The following ATG2A variants were observed in gnomAD, a reference collection of about 807,000 sequenced individuals.
The protein encoded by ATG2A is autophagy related 2A.
A neutral mutation model predicts 214.2 loss-of-function variants in ATG2A; 103 were observed. The ratio of observed to expected loss-of-function variants is 0.48; its 90% CI spans 0.41 to 0.57. ATG2A has a LOEUF of 0.57. Ranked by LOEUF, ATG2A falls within the 20% of genes least tolerant of loss-of-function variation. The pLI is 0.00. For synonymous variants in ATG2A, 1,160 were observed against 1,142.1 expected, an observed-to-expected ratio of 1.02 and a Z score of -0.32; for missense variants, 2,312 against 2,613.2, an observed-to-expected ratio of 0.88 and a Z score of 2.51.
intron 37 of ATG2A, chr11:64,897,091 G>A: frequency 1.4e-6 from 1 of 700,102 alleles, no homozygotes; most frequent in Non-Finnish European, 2.3e-6. Flanking sequence ...TGCGATCTTG[G>A]CTCACTGCAA....
Position 64,900,445 on chromosome 11 carries a change from C to T in ATG2A, c.4464+49G>A, listed in dbSNP as rs372618242. 14 of 1,611,016 alleles carry T rather than the reference C, an allele frequency of 8.7e-6. 1 individual carries two copies. The highest frequency in any genetic ancestry group is 3.3e-5 in the South Asian group (3 of 91,058). On this transcript the variant is annotated intron_variant, in intron 31 of 40. Transcript: ENST00000377264. ...TACACGTGACATCGAGAACAAGGCC[C>T]GTTGTTCTATGACACACACGTGTAG...
rs1944229070 is a variant in ATG2A, at chr11:64,898,327, G to T, written c.4707C>A (p.Thr1569=). Residue 1569 remains threonine, a synonymous_variant, in exon 33 of 41, where the codon ACC becomes ACA. Transcript: ENST00000377264. This position sits in a 1 kb window ranked among gnomAD's most constrained non-coding sequence, Gnocchi z 4.5. ...GACAGCACTCAGGCCCACCCAGGTT[G>T]GTAGTGGGGGCCACATGCAGCGCTT... ...TIKALHVAPT[T]NLGGPECCLR... 1 of 1,610,018 alleles carries T rather than the reference G, an allele frequency of 6.2e-7. No homozygotes were observed. Among genetic ancestry groups the T allele is most frequent in the Admixed American group, 1.7e-5 (1 of 58,900 alleles).
intron 1 of ATG2A, among the ~76,000 whole-genome samples, chr11:64,914,958 G>T (rs1944921804): frequency 6.6e-6 from 1 of 151,690 alleles, no homozygotes; most frequent in South Asian, 2.1e-4. Flanking sequence ...CAGAGGAGGG[G>T]CAAGCTGAAG....
intron 24 of ATG2A, among the ~76,000 whole-genome samples, chr11:64,904,933 G>A (rs942647853): frequency 5.9e-5 from 9 of 152,096 alleles, no homozygotes; most frequent in Admixed American, 4.6e-4. Context: ...TTCGCTCACC[G>A]TAACCTCCGC....
In ATG2A at chr11:64,895,362, C is replaced by T; in HGVS notation, c.5508G>A (p.Arg1836=). The T allele has an allele frequency of 6.2e-7, 1 of 1,612,952 alleles. No individual in the cohort carries two copies. The highest frequency in any genetic ancestry group is 8.5e-7 in the Non-Finnish European group (1 of 1,179,712). The change falls in exon 40 of 41, where the codon CGG becomes CGA. Residue 1836 remains arginine (R), a synonymous_variant. Transcript: ENST00000377264. The surrounding 1 kb of genome is among the most constrained non-coding windows in gnomAD (Gnocchi z 5.0). ...SRSLQDKRSA[R]RLRRGQQPAD... is the part of the protein sequence containing the mutation. ...CAGGCTGCTGGCCCCTGCGCAGCCT[C>T]CGCGCAGAGCGCTTATCCTGCAGGG...
chr11:64,895,247 G>C lies in ATG2A; in HGVS notation c.5581-38C>G, dbSNP rs746753700. ...GAGGTCAGGGCGGGGTCTGTGTGAG[G>C]AGATGGGCATGGGGGACTGGGGCAG... On this transcript the variant is annotated intron_variant, in intron 40 of 40. Coordinates refer to ENST00000377264, the MANE Select transcript of ATG2A (RefSeq NM_015104.3). This position sits in a 1 kb window ranked among gnomAD's most constrained non-coding sequence, Gnocchi z 5.0. The C allele has an allele frequency of 3.6e-5, 58 of 1,613,044 alleles. No homozygotes were observed. The highest frequency in any genetic ancestry group is 8.5e-7 in the Non-Finnish European group (1 of 1,179,842).
At position 64,902,114 on chromosome 11, in the gene ATG2A, C is replaced by A. The variant is rs762677119; in HGVS notation, c.3967G>T (p.Ala1323Ser). ...CCGACAGGTGGTGAAGGGGGTGGGG[C>A]CCCACTCCGTTCACCTGGGAATAGG... is the stretch of plus-strand genomic sequence containing the variant. ...VYLFPGERSGAPPPSPPVGGP... is the reference protein window; with the variant it reads ...VYLFPGERSGSPPPSPPVGGP... Residue 1323 changes from alanine (A) to serine (S), a missense_variant, in exon 29 of 41, where the codon GCC (alanine) becomes TCC (serine). Physicochemically the swap from Ala to Ser is moderately conservative, Grantham distance 99 (BLOSUM62 1). Transcript: ENST00000377264. The A allele has an allele frequency of 1.9e-5, 31 of 1,613,556 alleles. No individual in the cohort carries two copies. Among genetic ancestry groups the A allele is most frequent in the Non-Finnish European group, 2.5e-5 (29 of 1,179,958 alleles).
At position 64,911,869 on chromosome 11, in the gene ATG2A, G is replaced by A. The variant is rs755588164; in HGVS notation, c.1201C>T (p.Arg401Trp). Residue 401 changes from arginine to tryptophan, a missense_variant, in exon 9 of 41, where the codon CGG (arginine) becomes TGG (tryptophan). By Grantham distance (101) the Arg-to-Trp change is moderately radical. Coordinates refer to ENST00000377264, the MANE Select transcript of ATG2A (RefSeq NM_015104.3). ...SSVRSDMASR[R>W]LSAQAHPAGK... Reference sequence around the variant, plus strand: ...GCTGGGTGGGCCTGGGCAGAGAGCCGGCGGGAGGCCATGTCGCTGCGCACA... The same window carrying A: ...GCTGGGTGGGCCTGGGCAGAGAGCCAGCGGGAGGCCATGTCGCTGCGCACA... The A allele has an allele frequency of 2.2e-5, 36 of 1,613,220 alleles. No individual in the cohort carries two copies. The highest frequency in any genetic ancestry group is 1.8e-4 in the Middle Eastern group (1 of 5,710).
chr11:64,910,705 G>C lies in ATG2A; in HGVS notation c.1618C>G (p.Leu540Val), dbSNP rs890599710. 1.9e-6 allele frequency: 3 copies of C among 1,610,246 alleles called. No individual in the cohort carries two copies. The highest frequency in any genetic ancestry group is 2.5e-6 in the Non-Finnish European group (3 of 1,178,590). The change falls in exon 12 of 41, where the codon CTG becomes GTG. Residue 540 changes from leucine to valine, a missense_variant. Physicochemically the swap from Leu to Val is conservative, Grantham distance 32. Transcript: ENST00000377264. The stretch of plus-strand genomic sequence containing the variant: ...GAGCCCAGCGTACCAGGAAAGGTCA[G>C]GATCTGGGATGGGACCCGGGAGGCA... ...GTSEPEYTEI[L>V]TFPGTLGSQA...
rs775019430 is a variant in ATG2A, at chr11:64,906,658, C to T, written c.2983+7G>A. ...CCCCAGTGGTGACCTGCCCCCAGGC[C>T]TCACACCTCGGTGGTAGAGTGTTGC... On this transcript the variant is annotated splice_region_variant and intron_variant, in intron 20 of 40. Transcript: ENST00000377264. 1 of 1,613,458 alleles carries T rather than the reference C, an allele frequency of 6.2e-7. No individual in the cohort carries two copies. Among genetic ancestry groups the T allele is most frequent in the South Asian group, 1.1e-5 (1 of 91,078 alleles).
rs150713473 is a variant in ATG2A at position 64,910,637 on chromosome 11, C to T, written c.1686G>A (p.Gln562=). 1 of 1,606,404 alleles carries T rather than the reference C, an allele frequency of 6.2e-7. No individual in the cohort carries two copies. The highest frequency in any genetic ancestry group is 8.5e-7 in the Non-Finnish European group (1 of 1,176,874). ...TTACCTTAGGCACACGGCGCAGGAT[C>T]TGTGTGTGGCGCAGATGGGCGCAGG... The part of the protein sequence containing the change: ...ARPCAHLRHT[Q]ILRRVPKSRP... Residue 562 remains glutamine (Q), a synonymous_variant, in exon 12 of 41, where the codon CAG becomes CAA. Coordinates refer to ENST00000377264, the MANE Select transcript of ATG2A (RefSeq NM_015104.3).
chr11:64,914,074 T>G lies in ATG2A; in HGVS notation c.487+7A>C. On this transcript the variant is annotated splice_region_variant and intron_variant, in intron 3 of 40. Transcript: ENST00000377264. The stretch of plus-strand genomic sequence containing the variant: ...GGAGACAGGGCGGCCAGGAGGGGCC[T>G]GCTCACCAGTCTCAATGGTCTGGGC... 1 of 1,538,934 alleles carries G rather than the reference T, an allele frequency of 6.5e-7. No homozygotes were observed. Among genetic ancestry groups the G allele is most frequent in the Non-Finnish European group, 8.8e-7 (1 of 1,139,476 alleles).
At chr11:64,900,176 G>A (rs1944303724) in intron 31 of ATG2A, among the ~76,000 whole-genome samples, 1 of 151,816 alleles carries the variant, frequency 6.6e-6, no homozygotes, top group Non-Finnish European at 1.5e-5. Flanking sequence ...CCAATTTGCG[G>A]CTTTCACGCT....
Position 64,894,739 on chromosome 11 carries a change from T to G in ATG2A, c.*234A>C, listed in dbSNP as rs1230865260. On this transcript the variant is annotated 3_prime_UTR_variant, in exon 41 of 41. Coordinates refer to ENST00000377264, the MANE Select transcript of ATG2A (RefSeq NM_015104.3). ...GAGAAGGCAGCAGTGTGGGCCCAGG[T>G]CGGGGGAGGGGCAGTGTCCTTTCTC... 16 of 705,120 alleles carry G rather than the reference T, an allele frequency of 2.3e-5. No homozygotes were observed. The highest frequency in any genetic ancestry group is 2.3e-4 in the Middle Eastern group (1 of 4,360). The allele number at this position is 705,120 out of a possible 1,614,324, so 43.7% of individuals were successfully genotyped here.
chr11:64,913,561 G>A lies in ATG2A; in HGVS notation c.591-160C>T. On this transcript the variant is annotated intron_variant, in intron 4 of 40. Transcript: ENST00000377264. This position sits in a 1 kb window ranked among gnomAD's most constrained non-coding sequence, Gnocchi z 4.3. ...CTGAACCACCATGTCCAGCCCGGAG[G>A]CTCAGGCCAGCCCTTGCTCCTCAGA... 9.7e-7 allele frequency: 1 copy of A among 1,025,746 alleles called. No homozygotes were observed. Among genetic ancestry groups the A allele is most frequent in the Non-Finnish European group, 1.4e-6 (1 of 725,090 alleles). 63.5% of individuals were successfully genotyped at this position (1,025,746 alleles called of 1,614,324 possible). A position where few individuals can be genotyped will look rare whatever the true frequency, so the allele number is the denominator to read the frequency against.
At position 64,898,350 on chromosome 11, in the gene ATG2A, C is replaced by G; in HGVS notation, c.4684G>C (p.Ala1562Pro). 6.2e-7 allele frequency: 1 copy of G among 1,603,966 alleles called. No individual in the cohort carries two copies. Among genetic ancestry groups the G allele is most frequent in the Non-Finnish European group, 8.5e-7 (1 of 1,176,506 alleles). ...TTGGTAGTGGGGGCCACATGCAGCG[C>G]TTTGATGGTGAGCTGGGAGCAGAGG... is the stretch of plus-strand genomic sequence containing the variant. ...RAHSNMLTIK[A>P]LHVAPTTNLG... is the part of the protein sequence containing the mutation. The change falls in exon 33 of 41, where the codon GCG (alanine) becomes CCG (proline). Residue 1562 changes from alanine to proline, a missense_variant. Ala to Pro is a conservative substitution (Grantham distance 27, BLOSUM62 -1). Transcript: ENST00000377264. This position sits in a 1 kb window ranked among gnomAD's most constrained non-coding sequence, Gnocchi z 4.5.
At position 64,909,078 on chromosome 11, in the gene ATG2A, C is replaced by T; in HGVS notation, c.2277G>A (p.Leu759=). The change falls in exon 16 of 41, where the codon CTG becomes CTA. Residue 759 remains leucine, a synonymous_variant. Transcript: ENST00000377264. The part of the protein sequence containing the change: ...WEVAPEKGEE[L]ELSVESPCEL... ...CACAGGGACTCTCCACTGACAGCTC[C>T]AGTTCCTCTCCCTTCTCCGGGGCCA... 6.2e-7 allele frequency: 1 copy of T among 1,613,320 alleles called. No homozygotes were observed. Among genetic ancestry groups the T allele is most frequent in the Non-Finnish European group, 8.5e-7 (1 of 1,179,966 alleles).
chr11:64,897,288 TTA>T, intron 37 of ATG2A, 122 bp downstream of exon 37: 1 of 1,198,468 alleles, frequency 8.3e-7, no homozygotes, highest in South Asian at 1.4e-5. Context: ...TGCGTCCTTT[TTA>T]CAGAGGAGAA....
At position 64,911,997 on chromosome 11, in the gene ATG2A, A is replaced by T. The variant is rs1265179217; in HGVS notation, c.1088-15T>A. On this transcript the variant is annotated splice_polypyrimidine_tract_variant and intron_variant, in intron 8 of 40. Transcript: ENST00000377264. ...GAAGAAGAGGTCTGTGGGTGAAGTG[A>T]GGAGTGTCAGGGACAGCCGACCCCA... 1.2e-6 allele frequency: 2 copies of T among 1,613,690 alleles called. No homozygotes were observed. Among genetic ancestry groups the T allele is most frequent in the East Asian group, 2.2e-5 (1 of 44,886 alleles).
Sources: allele counts gnomAD v4.1 joint callset (sites outside exome capture counted in the v4.1 genomes callset), GRCh38; gene constraint gnomAD v4.1.1; non-coding constraint Gnocchi (gnomAD v3.1); transcripts MANE v1.5; gene names NCBI Gene and HGNC (gene_info 2026-07-23, HGNC 2026-07-21).